FAM135A: variants seen among roughly 807,000 people sequenced by gnomAD.
The protein encoded by FAM135A is protein FAM135A.
Under a neutral mutation model 146.8 loss-of-function variants are expected in FAM135A, and 79 were observed. The observed-to-expected ratio is 0.54, with a 90% CI of 0.45 to 0.65. FAM135A has a LOEUF of 0.65. Among genes scored for constraint, FAM135A ranks in the 30% least tolerant of loss-of-function variants. The pLI is 0.00. For missense variants in FAM135A, 1,623 were observed against 1,758.2 expected, an observed-to-expected ratio of 0.92 and a Z score of 1.38; for synonymous variants, 562 against 603.6, an observed-to-expected ratio of 0.93 and a Z score of 1.01.
At chr6:70,533,093 T>C (rs1482663521) in intron 16 of FAM135A, 67 bp from the exon 17 acceptor site, 1 of 1,254,750 alleles carries the variant, frequency 8.0e-7, no homozygotes, top group East Asian at 2.4e-5. Flanking sequence ...ACTGTAAAAA[T>C]ATGTGATGGT....
chr6:70,483,608 A>G lies in FAM135A; in HGVS notation c.823+1454A>G, dbSNP rs948845849. Among the ~76,000 whole-genome samples the G allele has an allele frequency of 9.5e-4, 145 of 152,188 alleles. 8 individuals are homozygous for G. Among genetic ancestry groups the G allele is most frequent in the Non-Finnish European group, 2.9e-5 (2 of 68,022 alleles). On this transcript the variant is annotated intron_variant, in intron 10 of 21. Transcript: ENST00000418814. The stretch of plus-strand genomic sequence containing the variant: ...TAATTTAGGCTATCACTTATCCTCA[A>G]TTAATGGAAAGTTATGTTTCAAATA...
At chr6:70,468,235 G>T (rs1231026341) in intron 5 of FAM135A, among the ~76,000 whole-genome samples, 1 of 152,278 alleles carries the variant, frequency 6.6e-6, no homozygotes, top group Non-Finnish European at 1.5e-5. Flanking sequence ...GACACTGAAA[G>T]CCTTCTGTTT....
intron 10 of FAM135A, among the ~76,000 whole-genome samples, chr6:70,484,175 C>G (rs939027360): frequency 6.6e-6 from 1 of 152,128 alleles, no homozygotes; most frequent in Non-Finnish European, 1.5e-5. Flanking sequence ...TTCTCCTGTT[C>G]CCTCTCCTCT....
chr6:70,513,538 T>C (rs1011448448), intron 12 of FAM135A, among the ~76,000 whole-genome samples: 1 of 151,916 alleles, frequency 6.6e-6, no homozygotes, highest in African/African-American at 2.4e-5. Flanking sequence ...CCCTTTTATT[T>C]AGACCTTCAA....
intron 4 of FAM135A, among the ~76,000 whole-genome samples, chr6:70,431,366 G>C (rs370801219): frequency 6.6e-6 from 1 of 152,158 alleles, no homozygotes; most frequent in Admixed American, 6.5e-5. Context: ...CAGATTGGCC[G>C]GGCACTAGCT....
chr6:70,531,155 T>G (rs996507634), intron 16 of FAM135A, among the ~76,000 whole-genome samples: 2 of 152,206 alleles, frequency 1.3e-5, no homozygotes, highest in Non-Finnish European at 2.9e-5. Flanking sequence ...GCAAAAGCTT[T>G]GGCTGATTTT....
chr6:70,536,505 C>A, intron 19 of FAM135A, 94 bp downstream of exon 19: 1 of 1,002,286 alleles, frequency 1.0e-6, no homozygotes, highest in South Asian at 3.8e-5. Flanking sequence ...ACCAGTTTGT[C>A]ACATACTGGA....
chr6:70,449,607 A>G (rs1776601973), intron 4 of FAM135A, among the ~76,000 whole-genome samples: 2 of 152,128 alleles, frequency 1.3e-5, no homozygotes, highest in Non-Finnish European at 2.9e-5. Context: ...GGCTATATGT[A>G]GTATTCTGTT....
At chr6:70,452,833 A>G (rs1040190445) in intron 5 of FAM135A, among the ~76,000 whole-genome samples, 4 of 152,218 alleles carry the variant, frequency 2.6e-5, no homozygotes, top group South Asian at 2.1e-4. Context: ...TATCCATTAT[A>G]TCATATAAGA....
intron 1 of FAM135A, 74 bp from the exon 2 acceptor site, chr6:70,415,217 A>G (rs1476293388): frequency 1.3e-5 from 2 of 152,238 alleles, no homozygotes; most frequent in South Asian, 2.1e-4. Context: ...CTTTCCATAA[A>G]TAATGGTATA....
chr6:70,525,561 G>C lies in FAM135A; in HGVS notation c.2477G>C (p.Ser826Thr). Reference sequence around the variant, plus strand: ...TCATTAGGAAATCATTGTACTGAGAGTACAAGTGCTATAAGTGAAATACAG... The same window carrying C: ...TCATTAGGAAATCATTGTACTGAGACTACAAGTGCTATAAGTGAAATACAG... ...KFSLGNHCTESTSAISEIQSS... is the reference protein window; with the variant it reads ...KFSLGNHCTETTSAISEIQSS... The change falls in exon 15 of 22, where the codon AGT becomes ACT. Residue 826 changes from serine to threonine, a missense_variant. Physicochemically the swap from Ser to Thr is moderately conservative, Grantham distance 58. Around this residue, in one of 7 missense-constraint regions of FAM135A, gnomAD observed 1,061 missense variants for 1,113.8 expected, o/e 0.95. Coordinates refer to ENST00000418814, the MANE Select transcript of FAM135A (RefSeq NM_001162529.3). 6.2e-7 allele frequency: 1 copy of C among 1,613,486 alleles called. No individual in the cohort carries two copies. Among genetic ancestry groups the C allele is most frequent in the Non-Finnish European group, 8.5e-7 (1 of 1,179,652 alleles).
At chr6:70,439,172 T>A (rs758765880) in intron 4 of FAM135A, among the ~76,000 whole-genome samples, 1 of 151,868 alleles carries the variant, frequency 6.6e-6, no homozygotes, top group Non-Finnish European at 1.5e-5. Flanking sequence ...TAAAAAAAAA[T>A]TGATGGAAAA....
At chr6:70,466,290 T>C (rs1286579799) in intron 5 of FAM135A, among the ~76,000 whole-genome samples, 1 of 152,218 alleles carries the variant, frequency 6.6e-6, no homozygotes, top group Admixed American at 6.5e-5. Flanking sequence ...AAAATCCTCC[T>C]GTATACCCCT....
chr6:70,520,341 G>A (rs1009643730), intron 12 of FAM135A, among the ~76,000 whole-genome samples: 7 of 152,018 alleles, frequency 4.6e-5, no homozygotes, highest in Non-Finnish European at 1.0e-4. Flanking sequence ...CATTTGCAAG[G>A]TGCTTATTTT....
chr6:70,460,788 G>A (rs536207810), intron 5 of FAM135A, among the ~76,000 whole-genome samples: 3 of 150,622 alleles, frequency 2.0e-5, no homozygotes, highest in East Asian at 1.9e-4. Flanking sequence ...TTTATCTATC[G>A]ATCTATCTAT....
chr6:70,488,828 C>CACCT (rs1420813891), intron 10 of FAM135A, among the ~76,000 whole-genome samples: 1 of 152,010 alleles, frequency 6.6e-6, no homozygotes, highest in Non-Finnish European at 1.5e-5. Flanking sequence ...TGTATAAGTG[C>CACCT]ACCTGCGTAG....
At chr6:70,497,648 CTTA>C (rs1423435294) in intron 11 of FAM135A, among the ~76,000 whole-genome samples, 1 of 152,100 alleles carries the variant, frequency 6.6e-6, no homozygotes, top group African/African-American at 2.4e-5. Context: ...ATAAATAGCT[CTTA>C]TTATTTTGAG....
intron 2 of FAM135A, among the ~76,000 whole-genome samples, chr6:70,423,853 G>A (rs1212075170): frequency 3.3e-5 from 5 of 152,142 alleles, no homozygotes; most frequent in Non-Finnish European, 7.4e-5. Context: ...ATTAATCCAA[G>A]CTCACTGAGA....
At chr6:70,449,114 G>T (rs534568987) in intron 4 of FAM135A, among the ~76,000 whole-genome samples, 15 of 152,184 alleles carry the variant, frequency 9.9e-5, no homozygotes, top group Admixed American at 5.9e-4. Context: ...TAACAGAGAA[G>T]TGGCTTTCTT....
Sources: gnomAD v4.1 joint callset for allele counts (sites outside exome capture counted in the v4.1 genomes callset) on GRCh38, gnomAD v4.1.1 for gene constraint, gnomAD v4.1.1 regional missense constraint, MANE v1.5 for transcripts, NCBI Gene and HGNC (gene_info 2026-07-23, HGNC 2026-07-21) for gene names.